The following MGAT4C variants were observed in gnomAD, a reference collection of about 807,000 sequenced individuals.
The protein encoded by MGAT4C is alpha-1,3-mannosyl-glycoprotein 4-beta-N-acetylglucosaminyltransferase C.
A neutral mutation model predicts 40.1 loss-of-function variants in MGAT4C; 19 were observed. That is an observed-to-expected ratio of 0.47 (90% CI 0.33 to 0.70). MGAT4C has a LOEUF of 0.70. MGAT4C is among the 30% of genes least tolerant of loss of function. The pLI, the probability that MGAT4C is intolerant of heterozygous loss-of-function variation, is 0.02. For missense variants in MGAT4C, 491 were observed against 563.2 expected (o/e 0.87, Z 1.30); for synonymous variants, 181 against 187.1 (o/e 0.97, Z 0.27).
chr12:86,615,488 C>T (rs1349154021), intron 2 of MGAT4C, among the ~76,000 whole-genome samples: 1 of 152,002 alleles, frequency 6.6e-6, no homozygotes, highest in African/African-American at 2.4e-5. Context: ...AACTCAATTG[C>T]TCATTTTCTA....
At chr12:86,286,233 C>T (rs1443625208) in intron 4 of MGAT4C, among the ~76,000 whole-genome samples, 1 of 151,980 alleles carries the variant, frequency 6.6e-6, no homozygotes, top group Non-Finnish European at 1.5e-5. Flanking sequence ...AAATGCTAGC[C>T]TAGCATGACT....
chr12:86,717,625 A>T (rs987787791), intron 2 of MGAT4C, among the ~76,000 whole-genome samples: 1 of 152,154 alleles, frequency 6.6e-6, no homozygotes, highest in African/African-American at 2.4e-5. Flanking sequence ...TCTCTTGGAA[A>T]GTCATTACTT....
chr12:86,568,978 C>A (rs1290520529), intron 2 of MGAT4C, among the ~76,000 whole-genome samples: 1 of 151,660 alleles, frequency 6.6e-6, no homozygotes, highest in African/African-American at 2.4e-5. Flanking sequence ...AAGGCGCTTC[C>A]ATTTAAAATA....
At chr12:86,735,898 T>C (rs1593161956) in intron 1 of MGAT4C, among the ~76,000 whole-genome samples, 1 of 151,924 alleles carries the variant, frequency 6.6e-6, no homozygotes, top group Non-Finnish European at 1.5e-5. Context: ...TATTTTCCAA[T>C]GATAACCTTT....
chr12:86,486,887 C>T (rs1958029137), intron 2 of MGAT4C, among the ~76,000 whole-genome samples: 1 of 152,070 alleles, frequency 6.6e-6, no homozygotes, highest in Non-Finnish European at 1.5e-5. Context: ...GGAGTCTTTG[C>T]CTAGAGATCT....
At chr12:86,251,667 C>T (rs1440704826) in intron 1 of MGAT4C, among the ~76,000 whole-genome samples, 1 of 151,970 alleles carries the variant, frequency 6.6e-6, no homozygotes, top group Non-Finnish European at 1.5e-5. Flanking sequence ...CATATTTTAT[C>T]TGACTGACTG....
intron 2 of MGAT4C, among the ~76,000 whole-genome samples, chr12:86,640,969 A>T (rs1173383831): frequency 6.6e-6 from 1 of 151,968 alleles, no homozygotes; most frequent in Non-Finnish European, 1.5e-5. Flanking sequence ...TCTGAGAGAC[A>T]GTTTGTTATA....
intron 1 of MGAT4C, among the ~76,000 whole-genome samples, chr12:86,177,999 C>T (rs761386727): frequency 1.3e-5 from 2 of 152,042 alleles, no homozygotes; most frequent in African/African-American, 2.4e-5. Flanking sequence ...TGCAGTGGCG[C>T]GATATTGGCT....
chr12:86,796,778 G>A (rs975915504), intron 1 of MGAT4C, among the ~76,000 whole-genome samples: 2 of 151,720 alleles, frequency 1.3e-5, no homozygotes, highest in Non-Finnish European at 2.9e-5. Flanking sequence ...AAACATCATG[G>A]ATGTAAGTGT....
At chr12:86,632,045 A>T (rs1963063738) in intron 2 of MGAT4C, among the ~76,000 whole-genome samples, 1 of 152,092 alleles carries the variant, frequency 6.6e-6, no homozygotes, top group African/African-American at 2.4e-5. Context: ...CAAAGAACTT[A>T]AACAAATTTA....
intron 4 of MGAT4C, among the ~76,000 whole-genome samples, chr12:86,326,818 T>C (rs1954539646): frequency 6.6e-6 from 1 of 152,050 alleles, no homozygotes; most frequent in Non-Finnish European, 1.5e-5. Flanking sequence ...AAAGGCAAAA[T>C]ATTTTAACTA....
chr12:86,292,839 T>C (rs555765847), intron 4 of MGAT4C, among the ~76,000 whole-genome samples: 1 of 108,976 alleles, frequency 9.2e-6, no homozygotes, highest in African/African-American at 3.3e-5. Context: ...GAAATGACTG[T>C]TTTTTTTTTT....
At chr12:86,516,300 TATA>T (rs1958687003) in intron 2 of MGAT4C, among the ~76,000 whole-genome samples, 1 of 152,266 alleles carries the variant, frequency 6.6e-6, no homozygotes, top group East Asian at 1.9e-4. Flanking sequence ...TCCTTGAACT[TATA>T]ATAATTAATT....
At chr12:86,284,905 C>T (rs1476385635) in intron 4 of MGAT4C, among the ~76,000 whole-genome samples, 1 of 151,930 alleles carries the variant, frequency 6.6e-6, no homozygotes, top group Non-Finnish European at 1.5e-5. Flanking sequence ...ATTATTTTTT[C>T]AGTAATTTTC....
chr12:86,339,820 A>C (rs75962991), intron 3 of MGAT4C, among the ~76,000 whole-genome samples: 3,059 of 152,248 alleles, frequency 0.02, 38 homozygotes, highest in Middle Eastern at 0.041. Flanking sequence ...TTCCTCAAGT[A>C]CGCCAAACTT....
chr12:86,269,001 C>G (rs1365943591), intron 4 of MGAT4C, among the ~76,000 whole-genome samples: 1 of 104,692 alleles, frequency 9.6e-6, no homozygotes, highest in Non-Finnish European at 1.9e-5. Context: ...TGTATATATT[C>G]TTTCATACTT....
At chr12:86,729,216 T>C (rs947055865) in intron 1 of MGAT4C, among the ~76,000 whole-genome samples, 8 of 152,134 alleles carry the variant, frequency 5.3e-5, no homozygotes, top group Non-Finnish European at 7.4e-5. Context: ...AAGAGTATCA[T>C]TGAATTGTTT....
At chr12:86,231,262 A>G (rs1239973066) in intron 1 of MGAT4C, among the ~76,000 whole-genome samples, 1 of 152,186 alleles carries the variant, frequency 6.6e-6, no homozygotes, top group Non-Finnish European at 1.5e-5. Context: ...GAGCAAAGCA[A>G]TTTTTAAGCT....
At chr12:86,231,737 T>C (rs1030957500) in intron 1 of MGAT4C, among the ~76,000 whole-genome samples, 5 of 152,206 alleles carry the variant, frequency 3.3e-5, no homozygotes, top group African/African-American at 1.2e-4. Context: ...AATAGTATGA[T>C]GCATTTGTAT....
Sources: allele counts gnomAD v4.1 joint callset (sites outside exome capture counted in the v4.1 genomes callset), GRCh38; gene constraint gnomAD v4.1.1; transcripts MANE v1.5; gene names NCBI Gene and HGNC (gene_info 2026-07-23, HGNC 2026-07-21).